Variants in IRF5 observed in about 807,000 individuals in gnomAD.
IRF5 encodes interferon regulatory factor 5.
Under a neutral mutation model 55.1 loss-of-function variants are expected in IRF5, and 24 were observed. The observed-to-expected ratio is 0.44, with a 90% CI of 0.32 to 0.61. The LOEUF (loss-of-function observed/expected upper bound fraction) is 0.61, where lower values mean the gene tolerates loss of function less well. Among genes scored for constraint, IRF5 ranks in the 20% least tolerant of loss-of-function variants. The probability of loss-of-function intolerance (pLI) is 0.07; values close to 1 mark genes in which losing one functional copy is unlikely to be tolerated. For synonymous variants in IRF5, 258 were observed against 260.2 expected (o/e 0.99, Z 0.08); for missense variants, 499 against 658.5 (o/e 0.76, Z 2.65).
At position 128,947,170 on chromosome 7, in the gene IRF5, G is replaced by A. The variant is rs988633382; in HGVS notation, c.482-60G>A. 13 of 1,604,118 alleles carry A rather than the reference G, an allele frequency of 8.1e-6. No homozygotes were observed. The highest frequency in any genetic ancestry group is 2.7e-5 in the African/African-American group (2 of 74,756). The stretch of plus-strand genomic sequence containing the variant: ...GGGTGGCCCAGGGCTGGGAGGAGGT[G>A]TGCCTGGGAGGCAGTTCGTGGAGGT... On this transcript the variant is annotated intron_variant, in intron 5 of 8. Transcript: ENST00000357234. This position sits in a 1 kb window ranked among gnomAD's most constrained non-coding sequence, Gnocchi z 6.5.
chr7:128,939,287 C>T (rs1795896109), intron 1 of IRF5, among the ~76,000 whole-genome samples: 1 of 152,114 alleles, frequency 6.6e-6, no homozygotes, highest in African/African-American at 2.4e-5. Flanking sequence ...GGGAAATCAC[C>T]CCTTTTTATC....
upstream of IRF5, among the ~76,000 whole-genome samples, chr7:128,937,458 CAG>C (rs1194789361): frequency 6.6e-6 from 1 of 152,188 alleles, no homozygotes; most frequent in Non-Finnish European, 1.5e-5. Flanking sequence ...GAGAAAGGCA[CAG>C]AGTGACTAGA....
In IRF5 at chr7:128,946,496, T is replaced by G. The variant is rs756115795; in HGVS notation, c.386-5T>G. The G allele has an allele frequency of 1.9e-6, 3 of 1,604,626 alleles. No individual in the cohort carries two copies. In the Admixed American group the frequency reaches 5.1e-5, roughly 28 times the overall value. On this transcript the variant is annotated splice_polypyrimidine_tract_variant and splice_region_variant and intron_variant, in intron 3 of 8. Transcript: ENST00000357234. This position sits in a 1 kb window ranked among gnomAD's most constrained non-coding sequence, Gnocchi z 4.2. ...CTGCCCTGCTTTTCTCTCCCTGCTG[T>G]GCAGACTCCCAGCCCCCTGAGGATT... is the stretch of plus-strand genomic sequence containing the variant.
In IRF5 at chr7:128,949,664, T is replaced by C. The variant is rs1298654546; in HGVS notation, c.*846T>C. On this transcript the variant is annotated 3_prime_UTR_variant, in exon 9 of 9. Transcript: ENST00000357234. ...AAAACTGTCAGAATCAGTTTTCCCA[T>C]AAAAGGGTGGGCTAGCATTGCAGCT... 1 of 152,212 alleles carries C rather than the reference T, an allele frequency of 6.6e-6. No homozygotes were observed. Among genetic ancestry groups the C allele is most frequent in the Non-Finnish European group, 1.5e-5 (1 of 68,036 alleles). The allele number at this position is 152,212 out of a possible 1,614,324, so 9.4% of individuals were successfully genotyped here. A position where few individuals can be genotyped will look rare whatever the true frequency, so the allele number is the denominator to read the frequency against.
Position 128,947,531 on chromosome 7 carries a change from G to A in IRF5, c.783G>A (p.Leu261=). The change falls in exon 6 of 9, where the codon CTG becomes CTA. Residue 261 remains leucine, a synonymous_variant. Coordinates refer to ENST00000357234, the MANE Select transcript of IRF5 (RefSeq NM_001098629.3). This position sits in a 1 kb window ranked among gnomAD's most constrained non-coding sequence, Gnocchi z 6.5. ...LPDLLISPHM[L]PLTDLEIKFQ... ...ACCTGCTGATCAGCCCCCACATGCTGCCTCGTAAGGACCCATGGCTGGGCA... is the reference window on the plus strand; with the variant it reads ...ACCTGCTGATCAGCCCCCACATGCTACCTCGTAAGGACCCATGGCTGGGCA... 6.4e-7 allele frequency: 1 copy of A among 1,556,608 alleles called. No individual in the cohort carries two copies. Among genetic ancestry groups the A allele is most frequent in the Non-Finnish European group, 8.6e-7 (1 of 1,159,032 alleles).
rs1563078897 is a variant in IRF5 at position 128,948,494 on chromosome 7, T to G, written c.1300-79T>G. ...GAGAATGCGGTCTATTACTCACCCC[T>G]GATGGCTGTCCTCATGCACAGCTGG... On this transcript the variant is annotated intron_variant, in intron 8 of 8. Coordinates refer to ENST00000357234, the MANE Select transcript of IRF5 (RefSeq NM_001098629.3). This position sits in a 1 kb window ranked among gnomAD's most constrained non-coding sequence, Gnocchi z 4.6. The G allele has an allele frequency of 2.5e-6, 4 of 1,576,882 alleles. No homozygotes were observed. In the East Asian group the frequency reaches 6.7e-5, roughly 26 times the overall value.
chr7:128,948,634 C>CT lies in IRF5; in HGVS notation c.1362dup (p.Asp455Ter). On this transcript the variant is annotated frameshift_variant, in exon 9 of 9. Coordinates refer to ENST00000357234, the MANE Select transcript of IRF5 (RefSeq NM_001098629.3). LOFTEE classifies it high-confidence loss of function. This position sits in a 1 kb window ranked among gnomAD's most constrained non-coding sequence, Gnocchi z 4.6. ...TTCTCAGGGGAGCTATCTTGGTCAG[C>CT]TGATAGTATCCGGCTACAGATCTCA... 6.2e-7 allele frequency: 1 copy of CT among 1,614,196 alleles called. No individual in the cohort carries two copies. The highest frequency in any genetic ancestry group is 2.2e-5 in the East Asian group (1 of 44,884).
At chr7:128,941,612 A>C (rs1397659266) in intron 1 of IRF5, among the ~76,000 whole-genome samples, 1 of 152,076 alleles carries the variant, frequency 6.6e-6, no homozygotes, top group Non-Finnish European at 1.5e-5. Context: ...ACTGAGCAGG[A>C]GGCTGTCTTC....
intron 1 of IRF5, among the ~76,000 whole-genome samples, chr7:128,939,215 C>G (rs1203841336): frequency 3.3e-5 from 5 of 152,112 alleles, no homozygotes; most frequent in African/African-American, 1.2e-4. Flanking sequence ...TGCCCCCACC[C>G]CCAGTAGTTA....
chr7:128,946,662 G>A lies in IRF5; in HGVS notation c.447+100G>A, dbSNP rs1449898586. The A allele has an allele frequency of 1.3e-6, 1 of 791,596 alleles. No individual in the cohort carries two copies. Among genetic ancestry groups the A allele is most frequent in the South Asian group, 1.5e-5 (1 of 67,132 alleles). The allele number at this position is 791,596 out of a possible 1,614,324, so 49.0% of individuals were successfully genotyped here. ...AGCCCCACTCCCATGGAGCCCCGTGGCCCTCTCAATAGTTCTCCTTGTTTC... is the reference window on the plus strand; with the variant it reads ...AGCCCCACTCCCATGGAGCCCCGTGACCCTCTCAATAGTTCTCCTTGTTTC... On this transcript the variant is annotated intron_variant, in intron 4 of 8. Coordinates refer to ENST00000357234, the MANE Select transcript of IRF5 (RefSeq NM_001098629.3). The surrounding 1 kb of genome is among the most constrained non-coding windows in gnomAD (Gnocchi z 4.2).
chr7:128,947,005 C>T lies in IRF5; in HGVS notation c.448-18C>T, dbSNP rs968644433. Reference sequence around the variant, plus strand: ...TCTCTCCCATCTCTTCCCTCCCTTGCTGGTGGTGTCCCTTCAGCTGCAGAG... The same window carrying T: ...TCTCTCCCATCTCTTCCCTCCCTTGTTGGTGGTGTCCCTTCAGCTGCAGAG... On this transcript the variant is annotated intron_variant, in intron 4 of 8. Transcript: ENST00000357234. The surrounding 1 kb of genome is among the most constrained non-coding windows in gnomAD (Gnocchi z 6.5). 6 of 1,614,020 alleles carry T rather than the reference C, an allele frequency of 3.7e-6. No individual in the cohort carries two copies. Among genetic ancestry groups the T allele is most frequent in the Non-Finnish European group, 4.2e-6 (5 of 1,179,936 alleles).
In IRF5 at chr7:128,942,104, C is replaced by T; in HGVS notation, c.23C>T (p.Ala8Val). MNQSIPV[A>V]PTPPRRVRLK... ...GCCATGAACCAGTCCATCCCAGTGG[C>T]TCCCACCCCACCCCGCCGCGTGCGG... Residue 8 changes from alanine (A) to valine (V), a missense_variant, in exon 2 of 9, where the codon GCT becomes GTT. By Grantham distance (64) the Ala-to-Val change is moderately conservative (BLOSUM62 0). This residue lies in a region of IRF5 where 305 missense variants were observed against 340.2 expected (regional missense o/e 0.90). Transcript: ENST00000357234. 6.2e-7 allele frequency: 1 copy of T among 1,609,962 alleles called. No homozygotes were observed. Among genetic ancestry groups the T allele is most frequent in the Non-Finnish European group, 8.5e-7 (1 of 1,178,414 alleles).
At position 128,947,885 on chromosome 7, in the gene IRF5, T is replaced by C; in HGVS notation, c.944T>C (p.Phe315Ser). Residue 315 changes from phenylalanine to serine, a missense_variant, in exon 7 of 9, where the codon TTC becomes TCC. Transcript: ENST00000357234. This position sits in a 1 kb window ranked among gnomAD's most constrained non-coding sequence, Gnocchi z 6.5. Reference protein sequence around the residue: ...FGPISLEQVRFPSPEDIPSDK... With the variant: ...FGPISLEQVRSPSPEDIPSDK... ...CCCATAAGCCTGGAGCAAGTGCGCT[T>C]CCCCAGCCCTGAGGACATCCCCAGT... 1 of 1,614,006 alleles carries C rather than the reference T, an allele frequency of 6.2e-7. No individual in the cohort carries two copies. The highest frequency in any genetic ancestry group is 8.5e-7 in the Non-Finnish European group (1 of 1,179,986).
Position 128,942,228 on chromosome 7 carries a change from T to C in IRF5, c.147T>C (p.His49=), listed in dbSNP as rs1315904061. The C allele has an allele frequency of 3.1e-6, 5 of 1,613,872 alleles. No homozygotes were observed. The highest frequency in any genetic ancestry group is 4.2e-6 in the Non-Finnish European group (5 of 1,179,964). Residue 49 remains histidine (H), a synonymous_variant, in exon 2 of 9, where the codon CAT becomes CAC. Transcript: ENST00000357234. ...AATTATTCTGCATCCCCTGGAGGCA[T>C]GCCACAAGGCATGGTCCCAGCCAGG... The part of the protein sequence containing the change: ...EKKLFCIPWR[H]ATRHGPSQDG...
intron 2 of IRF5, among the ~76,000 whole-genome samples, chr7:128,942,483 C>T (rs1277946014): frequency 2.0e-5 from 3 of 151,266 alleles, no homozygotes; most frequent in East Asian, 1.9e-4. Context: ...GACAGAGTCT[C>T]GCTCTGTAGC....
chr7:128,944,453 C>T (rs1350195578), intron 2 of IRF5, among the ~76,000 whole-genome samples: 1 of 152,062 alleles, frequency 6.6e-6, no homozygotes, highest in African/African-American at 2.4e-5. Context: ...TGATCCTTAC[C>T]TTTCCAAAAT....
At chr7:128,939,843 T>G (rs1306189829) in intron 1 of IRF5, among the ~76,000 whole-genome samples, 1 of 152,220 alleles carries the variant, frequency 6.6e-6, no homozygotes, top group Non-Finnish European at 1.5e-5. Context: ...TCCATTGACT[T>G]AGGTCTAGGG....
In IRF5 at chr7:128,948,078, G is replaced by A. The variant is rs755800856; in HGVS notation, c.1137G>A (p.Arg379=). 35 of 1,614,056 alleles carry A rather than the reference G, an allele frequency of 2.2e-5. No individual in the cohort carries two copies. The highest frequency in any genetic ancestry group is 8.3e-5 in the Admixed American group (5 of 60,000). ...AHDSCPNPIQ[R]EVKTKLFSLE... ...ACTCATGCCCCAACCCCATCCAGCGGGAGGTCAAGACCAAGCTTTTCAGCC... is the reference window on the plus strand; with the variant it reads ...ACTCATGCCCCAACCCCATCCAGCGAGAGGTCAAGACCAAGCTTTTCAGCC... Residue 379 remains arginine (R), a synonymous_variant, in exon 7 of 9, where the codon CGG becomes CGA. Coordinates refer to ENST00000357234, the MANE Select transcript of IRF5 (RefSeq NM_001098629.3). The surrounding 1 kb of genome is among the most constrained non-coding windows in gnomAD (Gnocchi z 4.6).
Position 128,946,441 on chromosome 7 carries a change from C to T in IRF5, c.386-60C>T, listed in dbSNP as rs1796306178. 6.4e-7 allele frequency: 1 copy of T among 1,556,008 alleles called. No individual in the cohort carries two copies. The highest frequency in any genetic ancestry group is 8.7e-7 in the Non-Finnish European group (1 of 1,148,626). On this transcript the variant is annotated intron_variant, in intron 3 of 8. Coordinates refer to ENST00000357234, the MANE Select transcript of IRF5 (RefSeq NM_001098629.3). The surrounding 1 kb of genome is among the most constrained non-coding windows in gnomAD (Gnocchi z 4.2). ...AGCTACAGGCAGCCTCTCAGGGGAT[C>T]TTGCTTCTCCTCCGACATTGACTCC...
Sources: gnomAD v4.1 joint callset for allele counts (sites outside exome capture counted in the v4.1 genomes callset) on GRCh38, gnomAD v4.1.1 for gene constraint, gnomAD v4.1.1 regional missense constraint, Gnocchi (gnomAD v3.1) non-coding constraint, MANE v1.5 for transcripts, NCBI Gene and HGNC (gene_info 2026-07-23, HGNC 2026-07-21) for gene names.